FGF12: variants seen among roughly 807,000 people sequenced by gnomAD.
The protein encoded by FGF12 is fibroblast growth factor 12, also known as fibroblast growth factor 12B.
In FGF12, 14 loss-of-function variants were observed where a neutral mutation model predicts 23.6. The observed-to-expected ratio is 0.59, with a 90% CI of 0.39 to 0.93. The LOEUF (loss-of-function observed/expected upper bound fraction) is 0.93. FGF12 is among the 40% of genes least tolerant of loss of function. FGF12 has a pLI of 0.00. For synonymous variants in FGF12, 62 were observed against 77.3 expected (o/e 0.80, Z 1.04); for missense variants, 175 against 217.8 (o/e 0.80, Z 1.24).
At chr3:192,395,202 AGCATTCCCATAGAAACTGCCCC>A (rs1720467839) in intron 2 of FGF12, among the ~76,000 whole-genome samples, 1 of 152,344 alleles carries the variant, frequency 6.6e-6, no homozygotes, top group Admixed American at 6.5e-5. Context: ...TCCTTCTTTC[AGCATTCCCATAGAAACTGCCCC>A]CTGCATCAGT....
intron 2 of FGF12, among the ~76,000 whole-genome samples, chr3:192,397,947 TA>T: frequency 6.6e-6 from 1 of 151,480 alleles, no homozygotes; most frequent in South Asian, 2.1e-4. Context: ...CAGTGCAATT[TA>T]AAAAAAAACT....
intron 2 of FGF12, among the ~76,000 whole-genome samples, chr3:192,569,013 A>G (rs1712471687): frequency 6.6e-6 from 1 of 152,214 alleles, no homozygotes; most frequent in East Asian, 1.9e-4. Context: ...TAGCTGAGCA[A>G]AACAGGAGAA....
intron 2 of FGF12, among the ~76,000 whole-genome samples, chr3:192,388,597 T>C (rs1236552037): frequency 6.6e-6 from 1 of 152,000 alleles, no homozygotes; most frequent in African/African-American, 2.4e-5. Flanking sequence ...TATAATCACA[T>C]AAATTCAATA....
intron 2 of FGF12, among the ~76,000 whole-genome samples, chr3:192,682,817 G>A (rs781714542): frequency 2.0e-5 from 3 of 152,166 alleles, no homozygotes; most frequent in Non-Finnish European, 2.9e-5. Context: ...CAGAAGGAGA[G>A]GGAAGTTGTA....
intron 2 of FGF12, among the ~76,000 whole-genome samples, chr3:192,370,839 G>A (rs1218733188): frequency 6.6e-6 from 1 of 152,176 alleles, no homozygotes; most frequent in Non-Finnish European, 1.5e-5. Flanking sequence ...AAGAATGAAA[G>A]TCTCATTTCA....
intron 4 of FGF12, among the ~76,000 whole-genome samples, chr3:192,255,698 T>G (rs920394798): frequency 7.9e-5 from 12 of 152,086 alleles, no homozygotes; most frequent in African/African-American, 2.9e-4. Context: ...TAAAATGGTA[T>G]TTGCCAAAGC....
chr3:192,414,955 T>G (rs926701879), intron 2 of FGF12, among the ~76,000 whole-genome samples: 2 of 152,180 alleles, frequency 1.3e-5, no homozygotes, highest in African/African-American at 4.8e-5. Flanking sequence ...TAGGGTACTA[T>G]GTTTTCTTTG....
At chr3:192,475,241 G>A (rs773727734) in intron 2 of FGF12, among the ~76,000 whole-genome samples, 8 of 152,106 alleles carry the variant, frequency 5.3e-5, no homozygotes, top group Non-Finnish European at 1.0e-4. Flanking sequence ...TTGAAAGCAC[G>A]CCAGGTAACC....
intron 2 of FGF12, among the ~76,000 whole-genome samples, chr3:192,660,291 A>G (rs1356875847): frequency 2.0e-5 from 3 of 146,564 alleles, no homozygotes; most frequent in Non-Finnish European, 4.5e-5. Context: ...GTTCTCACTC[A>G]TAGGTGGGAA....
chr3:192,588,954 C>T (rs1713504938), intron 2 of FGF12, among the ~76,000 whole-genome samples: 1 of 151,968 alleles, frequency 6.6e-6, no homozygotes, highest in East Asian at 1.9e-4. Context: ...ACAGAATACT[C>T]AAGTGCTGAG....
chr3:192,636,661 G>C (rs933357842), intron 2 of FGF12, among the ~76,000 whole-genome samples: 3 of 152,152 alleles, frequency 2.0e-5, no homozygotes, highest in Non-Finnish European at 2.9e-5. Flanking sequence ...ATAGCTATTG[G>C]CTACTCTGCC....
At chr3:192,378,080 T>TTCTTTCTGTCTG (rs1553805090) in intron 2 of FGF12, among the ~76,000 whole-genome samples, 2 of 105,858 alleles carry the variant, frequency 1.9e-5, no homozygotes, top group African/African-American at 3.8e-5. Flanking sequence ...CTTTCTTTCT[T>TTCTTTCTGTCTG]TCTTTCTTTC....
At chr3:192,293,802 G>A (rs1714888462) in intron 4 of FGF12, among the ~76,000 whole-genome samples, 1 of 152,142 alleles carries the variant, frequency 6.6e-6, no homozygotes, top group South Asian at 2.1e-4. Flanking sequence ...TGTAGCCAAT[G>A]GCTTATAAAC....
chr3:192,155,174 G>C (rs1412399585), intron 5 of FGF12, among the ~76,000 whole-genome samples: 5 of 147,956 alleles, frequency 3.4e-5, no homozygotes, highest in Non-Finnish European at 7.6e-5. Flanking sequence ...GCTTCGGCTC[G>C]CGCACGGTGC....
At chr3:192,455,013 T>TC (rs1259510497) in intron 2 of FGF12, among the ~76,000 whole-genome samples, 1 of 152,156 alleles carries the variant, frequency 6.6e-6, no homozygotes. Context: ...TTTAAAAAAC[T>TC]CCCCCAATTC....
intron 2 of FGF12, among the ~76,000 whole-genome samples, chr3:192,618,606 C>T (rs570753099): frequency 1.3e-5 from 2 of 152,202 alleles, no homozygotes; most frequent in South Asian, 4.1e-4. Context: ...CTCTCTAAAA[C>T]TCTGGCTCAG....
intron 5 of FGF12, among the ~76,000 whole-genome samples, chr3:192,169,835 GA>G (rs71177351): frequency 3.6e-5 from 5 of 139,682 alleles, no homozygotes; most frequent in Non-Finnish European, 3.1e-5. Context: ...GGTTTCCTCA[GA>G]AAAAAAAAAA....
At chr3:192,486,716 G>C (rs769761163) in intron 2 of FGF12, among the ~76,000 whole-genome samples, 2 of 151,966 alleles carry the variant, frequency 1.3e-5, no homozygotes, top group Non-Finnish European at 2.9e-5. Context: ...AGACATTGAG[G>C]AGTACAAGCA....
intron 4 of FGF12, among the ~76,000 whole-genome samples, chr3:192,207,582 G>T: frequency 6.6e-6 from 1 of 152,200 alleles, no homozygotes; most frequent in East Asian, 1.9e-4. Context: ...TAGAGCATAT[G>T]GCATGTAGGG....
Sources: gnomAD v4.1 joint callset for allele counts (sites outside exome capture counted in the v4.1 genomes callset) on GRCh38, gnomAD v4.1.1 for gene constraint, MANE v1.5 for transcripts, NCBI Gene and HGNC (gene_info 2026-07-23, HGNC 2026-07-21) for gene names.